SNX29: variants seen among roughly 807,000 people sequenced by gnomAD.
The protein encoded by SNX29 is sorting nexin-29.
Under a neutral mutation model 102.1 loss-of-function variants are expected in SNX29, and 78 were observed. The observed-to-expected ratio is 0.76, with a 90% CI of 0.64 to 0.92. The LOEUF (loss-of-function observed/expected upper bound fraction) is 0.92, where lower values mean the gene tolerates loss of function less well. SNX29 is among the 40% of genes least tolerant of loss of function. SNX29 has a pLI of 0.00. For synonymous variants in SNX29, 580 were observed against 414.5 expected (o/e 1.40, Z -4.85); for missense variants, 1,280 against 1,061.7 (o/e 1.21, Z -2.86).
chr16:12,548,923 G>A (rs999918912), intron 20 of SNX29, among the ~76,000 whole-genome samples: 1 of 152,224 alleles, frequency 6.6e-6, no homozygotes, highest in Non-Finnish European at 1.5e-5. Context: ...GTATTCTTCA[G>A]TACCTGCTAT....
intron 13 of SNX29, among the ~76,000 whole-genome samples, chr16:12,168,054 C>G (rs1438215064): frequency 5.3e-5 from 8 of 152,146 alleles, no homozygotes; most frequent in African/African-American, 1.7e-4. Flanking sequence ...CCACAGTGTC[C>G]CAGGCACTGG....
At chr16:12,543,225 G>C (rs1455878359) in intron 20 of SNX29, among the ~76,000 whole-genome samples, 2 of 152,220 alleles carry the variant, frequency 1.3e-5, no homozygotes, top group African/African-American at 4.8e-5. Flanking sequence ...GATAGCTGTA[G>C]CGGAAATTCT....
intron 15 of SNX29, among the ~76,000 whole-genome samples, chr16:12,305,230 A>C (rs2080302199): frequency 6.6e-6 from 1 of 152,184 alleles, no homozygotes; most frequent in Non-Finnish European, 1.5e-5. Flanking sequence ...TTCATAGCTG[A>C]TGAGTGTGAG....
intron 20 of SNX29, among the ~76,000 whole-genome samples, chr16:12,536,016 C>G (rs1049678514): frequency 1.3e-5 from 2 of 152,180 alleles, no homozygotes; most frequent in South Asian, 2.1e-4. Context: ...GCACTCGGAG[C>G]TATCCCGTTC....
chr16:12,022,659 T>G (rs1042885277), intron 3 of SNX29, among the ~76,000 whole-genome samples: 1 of 152,172 alleles, frequency 6.6e-6, no homozygotes, highest in Non-Finnish European at 1.5e-5. Flanking sequence ...TAAATGACTT[T>G]CTGTTTCTAT....
chr16:12,017,194 A>G (rs151082648), intron 3 of SNX29, among the ~76,000 whole-genome samples: 289 of 152,286 alleles, frequency 1.9e-3, no homozygotes, highest in African/African-American at 6.5e-3. Context: ...TCATATTTCT[A>G]TTCCTATTGG....
intron 20 of SNX29, among the ~76,000 whole-genome samples, chr16:12,530,633 G>A (rs930126954): frequency 2.0e-5 from 3 of 151,670 alleles, no homozygotes; most frequent in South Asian, 2.1e-4. Flanking sequence ...TCAGCTCACT[G>A]CAATTTCCCT....
chr16:12,016,730 G>A (rs1182154484), intron 3 of SNX29, among the ~76,000 whole-genome samples: 1 of 152,066 alleles, frequency 6.6e-6, no homozygotes, highest in Non-Finnish European at 1.5e-5. Context: ...TTGGTGAGCT[G>A]TCTGTTCATT....
At chr16:12,021,386 A>G (rs1189768278) in intron 3 of SNX29, among the ~76,000 whole-genome samples, 1 of 152,062 alleles carries the variant, frequency 6.6e-6, no homozygotes, top group East Asian at 1.9e-4. Flanking sequence ...AGATCGCGCC[A>G]CTGCACTCCA....
intron 8 of SNX29, among the ~76,000 whole-genome samples, chr16:12,059,585 G>T (rs149300655): frequency 1.3e-5 from 2 of 152,296 alleles, no homozygotes; most frequent in East Asian, 3.9e-4. Flanking sequence ...AGCTAGAGAG[G>T]GCTGAAAGGA....
intron 20 of SNX29, among the ~76,000 whole-genome samples, chr16:12,559,372 G>A (rs902463072): frequency 1.3e-5 from 2 of 151,314 alleles, no homozygotes; most frequent in African/African-American, 2.4e-5. Flanking sequence ...CATGCCTGAT[G>A]ATCTCTCACC....
intron 20 of SNX29, among the ~76,000 whole-genome samples, chr16:12,548,117 G>C (rs1050926937): frequency 6.6e-6 from 1 of 152,178 alleles, no homozygotes; most frequent in South Asian, 2.1e-4. Context: ...TCTATTTCTT[G>C]GGACAAGTAG....
intron 11 of SNX29, among the ~76,000 whole-genome samples, chr16:12,085,373 C>T (rs914388045): frequency 2.6e-5 from 4 of 152,228 alleles, no homozygotes; most frequent in African/African-American, 7.2e-5. Context: ...GTTGGCCAGG[C>T]TGGAATGCAC....
intron 18 of SNX29, among the ~76,000 whole-genome samples, chr16:12,435,954 G>A (rs1302206977): frequency 1.3e-5 from 2 of 152,206 alleles, no homozygotes; most frequent in East Asian, 1.9e-4. Context: ...CACGTGCCGC[G>A]CGTTACTTCC....
intron 18 of SNX29, among the ~76,000 whole-genome samples, chr16:12,431,455 T>G (rs545995099): frequency 4.6e-5 from 7 of 151,470 alleles, no homozygotes; most frequent in Non-Finnish European, 8.8e-5. Context: ...TTTGTTTTTG[T>G]TTTTTTGTTT....
At chr16:12,335,895 C>T (rs2081432565) in intron 15 of SNX29, among the ~76,000 whole-genome samples, 2 of 151,980 alleles carry the variant, frequency 1.3e-5, no homozygotes, top group South Asian at 4.2e-4. Context: ...TCATGTGGCT[C>T]ATCACTGGCA....
In SNX29 at chr16:12,129,737, T is replaced by C. The variant is rs756063030; in HGVS notation, c.1574T>C (p.Met525Thr). 1 of 1,609,326 alleles carries C rather than the reference T, an allele frequency of 6.2e-7. No individual in the cohort carries two copies. Among genetic ancestry groups the C allele is most frequent in the Non-Finnish European group, 8.5e-7 (1 of 1,178,842 alleles). Residue 525 changes from methionine to threonine, a missense_variant, in exon 13 of 21, where the codon ATG (methionine) becomes ACG (threonine). Met to Thr is a moderately conservative substitution (Grantham distance 81). Transcript: ENST00000566228. ...KVAEQEERQG[M>T]KVQALARENE... ...GCTGAACAGGAGGAGCGGCAGGGCATGAAGGTCCAGGCGCTGGCCAGGTAG... is the reference window on the plus strand; with the variant it reads ...GCTGAACAGGAGGAGCGGCAGGGCACGAAGGTCCAGGCGCTGGCCAGGTAG...
intron 19 of SNX29, among the ~76,000 whole-genome samples, chr16:12,514,366 C>G (rs1368820769): frequency 1.3e-5 from 2 of 152,158 alleles, no homozygotes; most frequent in Non-Finnish European, 2.9e-5. Context: ...TCCCCCTAAG[C>G]TACTGTCTTT....
At chr16:12,024,022 A>C (rs987405577) in intron 3 of SNX29, among the ~76,000 whole-genome samples, 2 of 152,220 alleles carry the variant, frequency 1.3e-5, no homozygotes, top group Non-Finnish European at 2.9e-5. Context: ...AAGAGCAGGC[A>C]GCCCTGGAAA....
Sources: allele counts gnomAD v4.1 joint callset (sites outside exome capture counted in the v4.1 genomes callset), GRCh38; gene constraint gnomAD v4.1.1; transcripts MANE v1.5; gene names NCBI Gene and HGNC (gene_info 2026-07-23, HGNC 2026-07-21).